The following DLX5 variants were observed in gnomAD, a reference collection of about 807,000 sequenced individuals.
DLX5 encodes homeobox protein DLX-5.
In DLX5, 8 loss-of-function variants were observed where a neutral mutation model predicts 27.1. The observed-to-expected ratio is 0.30, with a 90% CI of 0.17 to 0.53. The LOEUF (loss-of-function observed/expected upper bound fraction) is 0.53. DLX5 is among the 20% of genes least tolerant of loss of function. The pLI is 0.95. For synonymous variants in DLX5, 178 were observed against 161.9 expected (o/e 1.10, Z -0.75); for missense variants, 339 against 375.1 (o/e 0.90, Z 0.80).
intron 2 of DLX5, among the ~76,000 whole-genome samples, chr7:97,021,294 A>G (rs1790050801): frequency 6.6e-6 from 1 of 152,192 alleles, no homozygotes; most frequent in South Asian, 2.1e-4. Context: ...CAGCGAGGCC[A>G]CGACCCCAAG....
In DLX5 at chr7:97,020,731, C is replaced by G; in HGVS notation, c.*5G>C. ...CAAAAAAGAGAGTAAGAGAGAGCAG[C>G]CCATCTAATAGAGTGTCCCGGAGGC... On this transcript the variant is annotated 3_prime_UTR_variant, in exon 3 of 3. Coordinates refer to ENST00000648378, the MANE Select transcript of DLX5 (RefSeq NM_005221.6). 1 of 1,557,158 alleles carries G rather than the reference C, an allele frequency of 6.4e-7. No individual in the cohort carries two copies. The highest frequency in any genetic ancestry group is 8.7e-7 in the Non-Finnish European group (1 of 1,148,214).
Position 97,022,313 on chromosome 7 carries a change from G to C in DLX5, c.412C>G (p.Arg138Gly), listed in dbSNP as rs1302438635. 6.2e-7 allele frequency: 1 copy of C among 1,614,220 alleles called. No homozygotes were observed. The highest frequency in any genetic ancestry group is 1.1e-5 in the South Asian group (1 of 91,086). ...RMVNGKPKKVRKPRTIYSSFQ... is the reference protein window; with the variant it reads ...RMVNGKPKKVGKPRTIYSSFQ... The stretch of plus-strand genomic sequence containing the variant: ...CTGGAATAAATAGTCCTGGGTTTAC[G>C]AACTTTCTTTGGTTTGCCATTCACC... The change falls in exon 2 of 3, where the codon CGT becomes GGT. Residue 138 changes from arginine to glycine, a missense_variant. By Grantham distance (125) the Arg-to-Gly change is moderately radical. Transcript: ENST00000648378.
rs765808270 is a variant in DLX5 at position 97,022,351 on chromosome 7, G to A, written c.374C>T (p.Pro125Leu). 1 of 1,614,060 alleles carries A rather than the reference G, an allele frequency of 6.2e-7. No individual in the cohort carries two copies. Among genetic ancestry groups the A allele is most frequent in the East Asian group, 2.2e-5 (1 of 44,876 alleles). ...TNQPEKEVTE[P>L]EVRMVNGKPK... is the part of the protein sequence containing the mutation. ...TTTGCCATTCACCATTCTCACCTCG[G>A]GCTCGGTCACTTCTTTCTCTAAATA... The change falls in exon 2 of 3, where the codon CCC becomes CTC. Residue 125 changes from proline (P) to leucine (L), a missense_variant. By Grantham distance (98) the Pro-to-Leu change is moderately conservative. Transcript: ENST00000648378.
intron 1 of DLX5, among the ~76,000 whole-genome samples, chr7:97,023,927 A>T (rs557917155): frequency 6.6e-6 from 1 of 152,030 alleles, no homozygotes; most frequent in Non-Finnish European, 1.5e-5. Context: ...TTGTTACGCA[A>T]ACGCCAGGAG....
Position 97,024,773 on chromosome 7 carries a change from G to T in DLX5, c.-150C>A. On this transcript the variant is annotated 5_prime_UTR_variant, in exon 1 of 3. Transcript: ENST00000648378. The surrounding 1 kb of genome is among the most constrained non-coding windows in gnomAD (Gnocchi z 4.6). Reference sequence around the variant, plus strand: ...AGGAGGAGAGAAGGAGGAGGCGGCGGCCGCGGCGAGGAGGAGACTGGGAGT... The same window carrying T: ...AGGAGGAGAGAAGGAGGAGGCGGCGTCCGCGGCGAGGAGGAGACTGGGAGT... 2 of 684,122 alleles carry T rather than the reference G, an allele frequency of 2.9e-6. No homozygotes were observed. 42.4% of individuals were successfully genotyped at this position (684,122 alleles called of 1,614,324 possible). A position where few individuals can be genotyped will look rare whatever the true frequency, so the allele number is the denominator to read the frequency against.
chr7:97,022,878 C>G (rs1790100934), intron 1 of DLX5, among the ~76,000 whole-genome samples: 1 of 152,198 alleles, frequency 6.6e-6, no homozygotes, highest in South Asian at 2.1e-4. Context: ...GACCCACAAG[C>G]AAACTGCTCC....
rs924938010 is a variant in DLX5, at chr7:97,024,808, T to C, written c.-185A>G. The C allele has an allele frequency of 8.3e-5, 49 of 591,368 alleles. No homozygotes were observed. The highest frequency in any genetic ancestry group is 1.4e-4 in the Non-Finnish European group (48 of 336,900). The allele number at this position is 591,368 out of a possible 1,614,324, so 36.6% of individuals were successfully genotyped here. ...GGAGGAGACTGGGAGTCGTGAAGTC[T>C]CTGTCTCCGGCCGGCTGACTGCTGG... On this transcript the variant is annotated 5_prime_UTR_variant, in exon 1 of 3. Transcript: ENST00000648378. The surrounding 1 kb of genome is among the most constrained non-coding windows in gnomAD (Gnocchi z 4.6).
chr7:97,020,713 GA>G lies in DLX5; in HGVS notation c.*22del. 1 of 1,507,758 alleles carries G rather than the reference GA, an allele frequency of 6.6e-7. No homozygotes were observed. The highest frequency in any genetic ancestry group is 8.9e-7 in the Non-Finnish European group (1 of 1,125,502). The allele number at this position is 1,507,758 out of a possible 1,614,324, so 93.4% of individuals were successfully genotyped here. On this transcript the variant is annotated 3_prime_UTR_variant, in exon 3 of 3. Transcript: ENST00000648378. ...AGCAAAACACAGTAGTCCCAAAAAA[GA>G]GAGTAAGAGAGAGCAGCCCATCTAA...
chr7:97,023,076 G>T (rs1790109317), intron 1 of DLX5, among the ~76,000 whole-genome samples: 1 of 151,094 alleles, frequency 6.6e-6, no homozygotes, highest in South Asian at 2.1e-4. Flanking sequence ...AATACAGAGA[G>T]AGTGAAAGAA....
At chr7:97,022,519 A>G in intron 1 of DLX5, 150 bp from the exon 2 acceptor site, 1 of 1,473,168 alleles carries the variant, frequency 6.8e-7, no homozygotes, top group African/African-American at 1.4e-5. Flanking sequence ...GGACCGCGAT[A>G]AATATGCACC....
chr7:97,020,704 C>T lies in DLX5; in HGVS notation c.*32G>A. Reference sequence around the variant, plus strand: ...TTCTAGAACAGCAAAACACAGTAGTCCCAAAAAAGAGAGTAAGAGAGAGCA... The same window carrying T: ...TTCTAGAACAGCAAAACACAGTAGTTCCAAAAAAGAGAGTAAGAGAGAGCA... On this transcript the variant is annotated 3_prime_UTR_variant, in exon 3 of 3. Transcript: ENST00000648378. 6.6e-7 allele frequency: 1 copy of T among 1,507,420 alleles called. No individual in the cohort carries two copies. The highest frequency in any genetic ancestry group is 8.9e-7 in the Non-Finnish European group (1 of 1,124,496). The allele number at this position is 1,507,420 out of a possible 1,614,324, so 93.4% of individuals were successfully genotyped here.
Position 97,024,209 on chromosome 7 carries a change from C to A in DLX5, c.355+60G>T. ...TGTGACCCCCAATCTACCACCCCAT[C>A]TCGCGCCCCCAGCGTCCTAGTCGCC... On this transcript the variant is annotated intron_variant, in intron 1 of 2. Transcript: ENST00000648378. This position sits in a 1 kb window ranked among gnomAD's most constrained non-coding sequence, Gnocchi z 4.6. 1 of 1,509,582 alleles carries A rather than the reference C, an allele frequency of 6.6e-7. No individual in the cohort carries two copies. The highest frequency in any genetic ancestry group is 8.9e-7 in the Non-Finnish European group (1 of 1,119,172). The allele number at this position is 1,509,582 out of a possible 1,614,324, so 93.5% of individuals were successfully genotyped here. A position where few individuals can be genotyped will look rare whatever the true frequency, so the allele number is the denominator to read the frequency against.
At position 97,024,223 on chromosome 7, in the gene DLX5, G is replaced by T; in HGVS notation, c.355+46C>A. On this transcript the variant is annotated intron_variant, in intron 1 of 2. Transcript: ENST00000648378. This position sits in a 1 kb window ranked among gnomAD's most constrained non-coding sequence, Gnocchi z 4.6. ...TACCACCCCATCTCGCGCCCCCAGC[G>T]TCCTAGTCGCCCTGTATCTGCCCAG... The T allele has an allele frequency of 6.4e-7, 1 of 1,558,398 alleles. No individual in the cohort carries two copies. Among genetic ancestry groups the T allele is most frequent in the Non-Finnish European group, 8.7e-7 (1 of 1,149,674 alleles).
At chr7:97,021,267 C>T (rs1790050213) in intron 2 of DLX5, among the ~76,000 whole-genome samples, 1 of 152,176 alleles carries the variant, frequency 6.6e-6, no homozygotes, top group Non-Finnish European at 1.5e-5. Flanking sequence ...CCCTGGCCGG[C>T]TCGGGGCGCC....
At position 97,020,753 on chromosome 7, in the gene DLX5, A is replaced by C; in HGVS notation, c.853T>G (p.Ser285Ala). 6.3e-7 allele frequency: 1 copy of C among 1,596,926 alleles called. No homozygotes were observed. Among genetic ancestry groups the C allele is most frequent in the Non-Finnish European group, 8.6e-7 (1 of 1,168,934 alleles). Residue 285 changes from serine (S) to alanine (A), a missense_variant, in exon 3 of 3, where the codon TCC becomes GCC. Physicochemically the swap from Ser to Ala is moderately conservative, Grantham distance 99. This residue lies in a region of DLX5 where 136 missense variants were observed against 130.3 expected (regional missense o/e 1.04). Transcript: ENST00000648378. ...CAGCCCATCTAATAGAGTGTCCCGG[A>C]GGCCAGCGCCAGCGGGTGCTGTAAG... Reference protein sequence around the residue: ...GSLQHPLALASGTLY With the variant: ...GSLQHPLALAAGTLY
chr7:97,024,438 G>C lies in DLX5; in HGVS notation c.186C>G (p.Thr62=). The change falls in exon 1 of 3, where the codon ACC becomes ACG. Residue 62 remains threonine, a synonymous_variant. Transcript: ENST00000648378. This position sits in a 1 kb window ranked among gnomAD's most constrained non-coding sequence, Gnocchi z 4.6. ...GGAPHGYCSP[T]SASYGKALNP... ...TGAGAGCTTTGCCATAGGAAGCCGA[G>C]GTAGGAGAGCAGTAGCCGTGCGGGG... is the stretch of plus-strand genomic sequence containing the variant. 1 of 1,614,274 alleles carries C rather than the reference G, an allele frequency of 6.2e-7. No individual in the cohort carries two copies. Among genetic ancestry groups the C allele is most frequent in the Non-Finnish European group, 8.5e-7 (1 of 1,180,050 alleles).
intron 1 of DLX5, chr7:97,022,659 T>C: frequency 1.1e-6 from 1 of 950,362 alleles, no homozygotes; most frequent in Non-Finnish European, 1.3e-6. Context: ...TTGCGGTCGT[T>C]GCTTCTTCTC....
In DLX5 at chr7:97,021,082, A is replaced by C. The variant is rs761722696; in HGVS notation, c.541-17T>G. ...GATTTTCACCTGAGTTGGGGAACAA[A>C]GGCACACGTTACCGGGACACTCAGA... On this transcript the variant is annotated splice_polypyrimidine_tract_variant and intron_variant, in intron 2 of 2. Transcript: ENST00000648378. 1 of 1,588,980 alleles carries C rather than the reference A, an allele frequency of 6.3e-7. No homozygotes were observed. The highest frequency in any genetic ancestry group is 2.2e-5 in the East Asian group (1 of 44,468).
intron 2 of DLX5, 82 bp from the exon 3 acceptor site, chr7:97,021,147 C>T (rs1337938059): frequency 7.5e-7 from 1 of 1,339,326 alleles, no homozygotes; most frequent in Non-Finnish European, 1.0e-6. Flanking sequence ...CTGGAGGCAT[C>T]TTCGGACCTC....
Sources: allele counts gnomAD v4.1 joint callset (sites outside exome capture counted in the v4.1 genomes callset), GRCh38; gene constraint gnomAD v4.1.1; regional missense constraint gnomAD v4.1.1; non-coding constraint Gnocchi (gnomAD v3.1); transcripts MANE v1.5; gene names NCBI Gene and HGNC (gene_info 2026-07-23, HGNC 2026-07-21).